ARAP2: variants seen among roughly 807,000 people sequenced by gnomAD.
The protein encoded by ARAP2 is ArfGAP with RhoGAP domain, ankyrin repeat and PH domain 2.
ARAP2 carries 148 observed loss-of-function variants against 194.5 expected under a neutral mutation model. That is an observed-to-expected ratio of 0.76 (90% confidence interval 0.67 to 0.87). The LOEUF (loss-of-function observed/expected upper bound fraction) is 0.87. Among genes scored for constraint, ARAP2 ranks in the 40% least tolerant of loss-of-function variants. The pLI, the probability that ARAP2 is intolerant of heterozygous loss-of-function variation, is 0.00. For synonymous variants in ARAP2, 695 were observed against 683.5 expected, an observed-to-expected ratio of 1.02 and a Z score of -0.26; for missense variants, 2,128 against 1,989.7, an observed-to-expected ratio of 1.07 and a Z score of -1.32.
intron 10 of ARAP2, 39 bp downstream of exon 10, chr4:36,166,893 T>C: frequency 1.5e-6 from 2 of 1,317,420 alleles, no homozygotes; most frequent in Non-Finnish European, 2.1e-6. Flanking sequence ...CAAGCTTTCC[T>C]ATAGTAGTAC....
chr4:36,194,019 T>C (rs1044745533), intron 6 of ARAP2, among the ~76,000 whole-genome samples: 1 of 152,246 alleles, frequency 6.6e-6, no homozygotes, highest in African/African-American at 2.4e-5. Context: ...TATATATCTA[T>C]TTTATTTTCC....
At chr4:36,086,138 T>C (rs1235552678) in intron 28 of ARAP2, among the ~76,000 whole-genome samples, 2 of 151,988 alleles carry the variant, frequency 1.3e-5, no homozygotes, top group Non-Finnish European at 2.9e-5. Flanking sequence ...TTTTAATAAT[T>C]TAGATTGCTA....
At chr4:36,161,376 T>C (rs141287201) in intron 12 of ARAP2, 89 bp downstream of exon 12, 129 of 1,033,516 alleles carry the variant, frequency 1.2e-4, no homozygotes, top group Non-Finnish European at 1.8e-4. Flanking sequence ...CGAGAAAAAT[T>C]CCTGCCACCC....
intron 1 of ARAP2, among the ~76,000 whole-genome samples, chr4:36,237,007 A>G (rs144008773): frequency 7.7e-4 from 118 of 152,366 alleles, no homozygotes; most frequent in African/African-American, 2.6e-3. Flanking sequence ...GTCCATGTAC[A>G]TGGCTAAACC....
chr4:36,055,814 T>G (rs1232567244), intron 2 of ARAP2, among the ~76,000 whole-genome samples: 1 of 152,200 alleles, frequency 6.6e-6, no homozygotes, highest in East Asian at 1.9e-4. Flanking sequence ...CCAACCAGCC[T>G]TGGCCTCCCA....
At chr4:36,215,849 CAA>C (rs5857478) in intron 2 of ARAP2, among the ~76,000 whole-genome samples, 130,803 of 150,710 alleles carry the variant, frequency 0.87, 56,878 homozygotes, top group East Asian at 0.94. Context: ...GACTTTGTCT[CAA>C]AAAAAAAAAC....
intron 27 of ARAP2, among the ~76,000 whole-genome samples, chr4:36,093,994 T>C (rs184587152): frequency 3.7e-4 from 56 of 152,298 alleles, no homozygotes; most frequent in African/African-American, 1.3e-3. Context: ...AGAAGCCCCC[T>C]CACATTTCCA....
chr4:36,120,499 T>C lies in ARAP2; in HGVS notation c.3894+680A>G, dbSNP rs73806468. On this transcript the variant is annotated intron_variant, in intron 23 of 32. Transcript: ENST00000303965. ...AACAACTGGACTCATAAACACCATTTAAGGGAATGTTCAAAAGGTTAAATG... is the reference window on the plus strand; with the variant it reads ...AACAACTGGACTCATAAACACCATTCAAGGGAATGTTCAAAAGGTTAAATG... Among the ~76,000 whole-genome samples the C allele has an allele frequency of 5.4e-3, 812 of 151,682 alleles. 11 individuals carry two copies. The highest frequency in any genetic ancestry group is 0.018 in the African/African-American group (765 of 41,504).
chr4:36,060,209 C>T (rs994449629), intron 1 of ARAP2, among the ~76,000 whole-genome samples: 7 of 152,138 alleles, frequency 4.6e-5, no homozygotes, highest in African/African-American at 1.7e-4. Context: ...AACTGAGAAG[C>T]TCTCTTGGTC....
chr4:36,042,302 G>T (rs965222405), intron 5 of ARAP2, among the ~76,000 whole-genome samples: 17 of 152,162 alleles, frequency 1.1e-4, no homozygotes, highest in African/African-American at 4.1e-4. Context: ...AGCACTAAGG[G>T]TAGGTCATTA....
intron 20 of ARAP2, among the ~76,000 whole-genome samples, chr4:36,132,160 T>C (rs1397634340): frequency 1.3e-5 from 2 of 151,778 alleles, no homozygotes; most frequent in Non-Finnish European, 2.9e-5. Flanking sequence ...CAGTGTATTA[T>C]CAGTTTCCCA....
intron 19 of ARAP2, among the ~76,000 whole-genome samples, chr4:36,135,616 C>A (rs1006956402): frequency 3.3e-5 from 5 of 151,758 alleles, no homozygotes; most frequent in African/African-American, 9.7e-5. Flanking sequence ...GATCTTATAT[C>A]ATCTTTAGCT....
chr4:36,103,200 T>C (rs1717488863), intron 27 of ARAP2, among the ~76,000 whole-genome samples: 1 of 151,838 alleles, frequency 6.6e-6, no homozygotes. Context: ...GCATCTGTCA[T>C]ATACAGCAAT....
rs139725736 is a variant in ARAP2, at chr4:36,029,720, T to C, written n.608-10434A>G. 3.1e-3 allele frequency among the ~76,000 whole-genome samples: 472 copies of C among 152,076 alleles called. 2 individuals carry two copies. The highest frequency in any genetic ancestry group is 0.01 in the African/African-American group (422 of 41,550). ...TCTTTTCTATTTTTCTTTGTTGTTA[T>C]TTGTAAAGATTTCAGTTTTTCTTCT... is the stretch of plus-strand genomic sequence containing the variant. On this transcript the variant is annotated intron_variant and non_coding_transcript_variant, in intron 5 of 12. Coordinates refer to the ARAP2 transcript ENST00000503225.
intron 9 of ARAP2, among the ~76,000 whole-genome samples, 162 bp downstream of exon 9, chr4:36,177,665 A>G (rs1738274869): frequency 6.6e-6 from 1 of 152,220 alleles, no homozygotes; most frequent in African/African-American, 2.4e-5. Context: ...TGGAGACACC[A>G]AGAAAATTCA....
chr4:36,210,221 T>G (rs1746443037), intron 6 of ARAP2, among the ~76,000 whole-genome samples, 169 bp downstream of exon 6: 2 of 152,134 alleles, frequency 1.3e-5, no homozygotes, highest in South Asian at 4.1e-4. Context: ...TCCTTATGTC[T>G]AAAGAATAGC....
rs1553925775 is a variant in ARAP2 at position 36,162,619 on chromosome 4, T to TTTTA, written c.2174-1070_2174-1069insTAAA. ...AAGTTCTTGTCTTTTTTTTTTTTTT[T>TTTTA]AAGTAGAAACTATTCAAAGCACAAA... On this transcript the variant is annotated intron_variant, in intron 11 of 32. Transcript: ENST00000303965. 3.3e-3 allele frequency among the ~76,000 whole-genome samples: 496 copies of TTTTA among 151,174 alleles called. 2 individuals are homozygous for TTTTA. The highest frequency in any genetic ancestry group is 0.011 in the African/African-American group (449 of 41,186).
intron 26 of ARAP2, among the ~76,000 whole-genome samples, chr4:36,110,700 C>A (rs1453502166): frequency 6.6e-6 from 1 of 151,674 alleles, no homozygotes; most frequent in African/African-American, 2.4e-5. Context: ...TATATTTTCC[C>A]ACGAATCTGA....
intron 28 of ARAP2, among the ~76,000 whole-genome samples, chr4:36,086,745 A>C (rs531507611): frequency 6.6e-6 from 1 of 152,256 alleles, no homozygotes; most frequent in Non-Finnish European, 1.5e-5. Flanking sequence ...TATTCCTGGC[A>C]CATAAAAAGA....
Sources: allele counts gnomAD v4.1 joint callset (sites outside exome capture counted in the v4.1 genomes callset), GRCh38; gene constraint gnomAD v4.1.1; transcripts MANE v1.5; gene names NCBI Gene and HGNC (gene_info 2026-07-23, HGNC 2026-07-21).